The following MAD1L1 variants were observed in gnomAD, a reference collection of about 807,000 sequenced individuals.
The protein encoded by MAD1L1 is mitotic spindle assembly checkpoint protein MAD1.
MAD1L1 carries 95 observed loss-of-function variants against 96.9 expected under a neutral mutation model. That is an observed-to-expected ratio of 0.98 (90% confidence interval 0.83 to 1.16). MAD1L1 has a LOEUF of 1.16. Ranked by LOEUF, MAD1L1 falls within the 50% of genes most tolerant of loss-of-function variation. MAD1L1 has a pLI of 0.00. For synonymous variants in MAD1L1, 473 were observed against 396.6 expected, an observed-to-expected ratio of 1.19 and a Z score of -2.29; for missense variants, 1,007 against 954.4, an observed-to-expected ratio of 1.06 and a Z score of -0.73.
At position 2,088,324 on chromosome 7, in the gene MAD1L1, C is replaced by T. The variant is rs371154528; in HGVS notation, c.1074-18986G>A. On this transcript the variant is annotated intron_variant, in intron 11 of 18. Transcript: ENST00000265854. This position sits in a 1 kb window ranked among gnomAD's most constrained non-coding sequence, Gnocchi z 4.4. The stretch of plus-strand genomic sequence containing the variant: ...AGGCTGCGCCATCTGGTTACCAGCA[C>T]GGTGGTCTCGTGCTACCCTGGTTCC... Among the ~76,000 whole-genome samples, 19 of 152,344 alleles carry T rather than the reference C, an allele frequency of 1.2e-4. No individual in the cohort carries two copies. The highest frequency in any genetic ancestry group is 3.4e-4 in the African/African-American group (14 of 41,578).
chr7:2,218,162 C>T, intron 6 of MAD1L1, 119 bp from the exon 7 acceptor site: 1 of 737,760 alleles, frequency 1.4e-6, no homozygotes, highest in Non-Finnish European at 2.4e-6. Context: ...CCCCAAGGTT[C>T]AGGACCTCCC....
chr7:1,865,481 C>T (rs995140356), intron 18 of MAD1L1, among the ~76,000 whole-genome samples: 12 of 152,364 alleles, frequency 7.9e-5, no homozygotes, highest in African/African-American at 2.9e-4. Context: ...AGCTTCCCTT[C>T]AGTCTCCTCA....
intron 12 of MAD1L1, among the ~76,000 whole-genome samples, chr7:2,017,487 C>T (rs970366937): frequency 3.9e-5 from 6 of 152,198 alleles, no homozygotes; most frequent in Admixed American, 6.5e-5. Flanking sequence ...CTGGATACAC[C>T]GGCCGATGGG....
intron 18 of MAD1L1, among the ~76,000 whole-genome samples, chr7:1,878,760 G>A (rs1785521812): frequency 7.0e-6 from 1 of 143,600 alleles, no homozygotes; most frequent in Non-Finnish European, 1.5e-5. Context: ...ATTCAGCACT[G>A]TACTGAAATT....
At chr7:2,211,403 CAG>C (rs1300485001) in intron 10 of MAD1L1, among the ~76,000 whole-genome samples, 2 of 152,236 alleles carry the variant, frequency 1.3e-5, no homozygotes, top group Admixed American at 1.3e-4. Context: ...TGAAACCAGC[CAG>C]AGACAGCAGC....
intron 16 of MAD1L1, among the ~76,000 whole-genome samples, chr7:1,943,427 C>T (rs913173565): frequency 1.3e-5 from 2 of 152,118 alleles, no homozygotes; most frequent in South Asian, 2.1e-4. Context: ...ATAGGCAAGG[C>T]GTCTGCAGAC....
At chr7:2,158,240 G>A (rs1789935288) in intron 10 of MAD1L1, among the ~76,000 whole-genome samples, 1 of 152,232 alleles carries the variant, frequency 6.6e-6, no homozygotes, top group Admixed American at 6.5e-5. Flanking sequence ...TCCTTCCGAG[G>A]CGAGAGCAGC....
intron 12 of MAD1L1, among the ~76,000 whole-genome samples, chr7:2,053,952 G>A (rs1336238246): frequency 3.9e-5 from 6 of 152,258 alleles, no homozygotes; most frequent in African/African-American, 7.2e-5. Flanking sequence ...TGCCCTCATC[G>A]GGGTTTCTGA....
At chr7:1,932,341 C>T (rs1789528762) in intron 17 of MAD1L1, among the ~76,000 whole-genome samples, 1 of 152,018 alleles carries the variant, frequency 6.6e-6, no homozygotes, top group Admixed American at 6.5e-5. Flanking sequence ...CTGTGGTCTG[C>T]TCTGCGTGCC....
intron 12 of MAD1L1, among the ~76,000 whole-genome samples, chr7:2,037,598 G>A (rs773469768): frequency 6.6e-6 from 1 of 152,140 alleles, no homozygotes; most frequent in African/African-American, 2.4e-5. Flanking sequence ...GCCACGTCCT[G>A]ACTGTACTTC....
At chr7:2,012,907 C>A (rs1230350921) in intron 13 of MAD1L1, among the ~76,000 whole-genome samples, 1 of 152,238 alleles carries the variant, frequency 6.6e-6, no homozygotes, top group African/African-American at 2.4e-5. Flanking sequence ...AACCATCTGC[C>A]AAGCAGCTTT....
intron 16 of MAD1L1, among the ~76,000 whole-genome samples, chr7:1,945,396 C>A (rs917213825): frequency 3.9e-5 from 6 of 152,228 alleles, no homozygotes; most frequent in African/African-American, 1.4e-4. Context: ...GGATGTGCTC[C>A]TGGGGCTTAA....
chr7:2,204,702 T>C (rs1455112628), intron 10 of MAD1L1, among the ~76,000 whole-genome samples: 2 of 152,256 alleles, frequency 1.3e-5, no homozygotes, highest in African/African-American at 4.8e-5. Context: ...GACAGGCACC[T>C]GAGTTGTTCC....
At chr7:2,195,608 A>T (rs1205962242) in intron 10 of MAD1L1, among the ~76,000 whole-genome samples, 1 of 152,220 alleles carries the variant, frequency 6.6e-6, no homozygotes, top group African/African-American at 2.4e-5. Context: ...GAAACTGAAG[A>T]GTAGTTTGCA....
intron 18 of MAD1L1, among the ~76,000 whole-genome samples, chr7:1,836,563 C>T (rs6460944): frequency 0.42 from 63,525 of 151,938 alleles, 13,540 homozygotes; most frequent in African/African-American, 0.46. Context: ...TACCCGCACA[C>T]TGAAAATGAG....
chr7:1,857,620 C>A lies in MAD1L1; in HGVS notation c.1998+40580G>T, dbSNP rs1264191239. 5.3e-5 allele frequency among the ~76,000 whole-genome samples: 8 copies of A among 152,342 alleles called. 1 individual carries two copies. The South Asian group carries it at 1.7e-3, about 32-fold the overall frequency. On this transcript the variant is annotated intron_variant, in intron 18 of 18. Coordinates refer to ENST00000265854, the MANE Select transcript of MAD1L1 (RefSeq NM_001013836.2). Reference sequence around the variant, plus strand: ...CCGAGGATGAGCCCCTGGACCAGGGCTGCCTGGGAAAGGACAAGGAAGGGC... The same window carrying A: ...CCGAGGATGAGCCCCTGGACCAGGGATGCCTGGGAAAGGACAAGGAAGGGC...
intron 18 of MAD1L1, among the ~76,000 whole-genome samples, chr7:1,889,134 C>T (rs1266301131): frequency 1.3e-5 from 2 of 152,212 alleles, no homozygotes; most frequent in African/African-American, 4.8e-5. Flanking sequence ...TCCTGGCCCA[C>T]ATAAAGGAAG....
At chr7:2,168,780 G>C (rs1371782163) in intron 10 of MAD1L1, among the ~76,000 whole-genome samples, 2 of 152,254 alleles carry the variant, frequency 1.3e-5, no homozygotes, top group Non-Finnish European at 2.9e-5. Flanking sequence ...GGTGGAGGAA[G>C]AACACAAGCC....
At chr7:2,075,117 G>A (rs1039483641) in intron 11 of MAD1L1, among the ~76,000 whole-genome samples, 1 of 152,202 alleles carries the variant, frequency 6.6e-6, no homozygotes, top group Non-Finnish European at 1.5e-5. Flanking sequence ...CTCGAGAGGA[G>A]GGGAAGGTCC....
Sources: allele counts gnomAD v4.1 joint callset (sites outside exome capture counted in the v4.1 genomes callset), GRCh38; gene constraint gnomAD v4.1.1; non-coding constraint Gnocchi (gnomAD v3.1); transcripts MANE v1.5; gene names NCBI Gene and HGNC (gene_info 2026-07-23, HGNC 2026-07-21).